Variants in TRIM37 observed in about 807,000 individuals in gnomAD.
TRIM37 encodes the protein tripartite motif containing 37, also known as E3 ubiquitin-protein ligase TRIM37.
A neutral mutation model predicts 129.8 loss-of-function variants in TRIM37; 80 were observed. That is an observed-to-expected ratio of 0.62 (90% CI 0.51 to 0.74). The LOEUF is 0.74. Ranked by LOEUF, TRIM37 falls within the 30% of genes least tolerant of loss-of-function variation. TRIM37 has a pLI of 0.00. For synonymous variants in TRIM37, 389 were observed against 387.1 expected (o/e 1.00, Z -0.06); for missense variants, 1,054 against 1,176.5 (o/e 0.90, Z 1.52).
At chr17:59,091,575 A>ATG (rs1568231068) in intron 2 of TRIM37, among the ~76,000 whole-genome samples, 1 of 33,660 alleles carries the variant, frequency 3.0e-5, no homozygotes, top group Non-Finnish European at 5.8e-5. Flanking sequence ...TATAATATAT[A>ATG]TAATGTATAA....
rs765472921 is a variant in TRIM37, at chr17:59,061,058, G to C, written c.993C>G (p.Leu331=). The C allele has an allele frequency of 2.5e-6, 4 of 1,613,608 alleles. No individual in the cohort carries two copies. The highest frequency in any genetic ancestry group is 2.2e-5 in the East Asian group (1 of 44,788). The change falls in exon 12 of 24, where the codon CTC becomes CTG. Residue 331 remains leucine (L), a synonymous_variant. Transcript: ENST00000262294. ...TAGAAGTTTCAGGCAAGCCAGCTGA[G>C]AGCTCCAGAAACACAGATAAGTAGT... The part of the protein sequence containing the change: ...RGYYLSVFLE[L]SAGLPETSKY...
chr17:58,980,230 G>A, downstream of TRIM37: 1 of 1,614,166 alleles, frequency 6.2e-7, no homozygotes, highest in African/African-American at 1.3e-5. This position sits in a 1 kb window ranked among gnomAD's most constrained non-coding sequence, Gnocchi z 4.7. Context: ...TATTCCTGAG[G>A]GACATGAACA....
chr17:59,007,231 C>CCACACACACACA (rs35675752), intron 22 of TRIM37, among the ~76,000 whole-genome samples: 16 of 97,546 alleles, frequency 1.6e-4, no homozygotes, highest in African/African-American at 6.6e-4. Context: ...CCCCACCCAC[C>CCACACACACACA]CACACACACA....
At chr17:58,982,890 TCA>T in exon 25 of TRIM37, 1 of 1,570,468 alleles carries the variant, frequency 6.4e-7, no homozygotes, top group Non-Finnish European at 8.7e-7. Context: ...TGTTAACCCA[TCA>T]GGTGCAGTGT....
In TRIM37 at chr17:59,012,360, A is replaced by C; in HGVS notation, c.2663T>G (p.Leu888Arg). 1 of 1,613,132 alleles carries C rather than the reference A, an allele frequency of 6.2e-7. No homozygotes were observed. The highest frequency in any genetic ancestry group is 8.5e-7 in the Non-Finnish European group (1 of 1,179,636). ...AGGGGCAGCTGAAGCTCCTTCAGGT[A>C]GTACAGGCTGTAACTCTCCAGTTTC... ...NSETGELQPV[L>R]PEGASAAPEE... is the part of the protein sequence containing the mutation. Residue 888 changes from leucine to arginine, a missense_variant, in exon 22 of 24, where the codon CTA (leucine) becomes CGA (arginine). Coordinates refer to ENST00000262294, the MANE Select transcript of TRIM37 (RefSeq NM_015294.6).
chr17:59,093,903 T>C (rs983744841), intron 2 of TRIM37, among the ~76,000 whole-genome samples: 2 of 152,190 alleles, frequency 1.3e-5, no homozygotes, highest in Admixed American at 6.5e-5. Context: ...AATTTATTTA[T>C]TTATTTTTTG....
chr17:59,055,103 G>A (rs1021952321), intron 13 of TRIM37, among the ~76,000 whole-genome samples: 23 of 151,924 alleles, frequency 1.5e-4, no homozygotes, highest in Middle Eastern at 3.4e-3. Context: ...ATGGGAGGCC[G>A]AAGTGGGTGG....
At chr17:59,038,352 A>G (rs1166061681) in intron 17 of TRIM37, among the ~76,000 whole-genome samples, 1 of 152,190 alleles carries the variant, frequency 6.6e-6, no homozygotes, top group Admixed American at 6.5e-5. Context: ...TTAGTGTTGT[A>G]TGTTCCAGGT....
At chr17:59,056,714 T>A (rs1489693243) in intron 13 of TRIM37, among the ~76,000 whole-genome samples, 161 bp downstream of exon 13, 1 of 6,696 alleles carries the variant, frequency 1.5e-4, no homozygotes, top group Non-Finnish European at 6.2e-4. Context: ...AGACTATGTC[T>A]CCAAAAAAAA....
intron 18 of TRIM37, among the ~76,000 whole-genome samples, chr17:59,029,374 T>C (rs976068620): frequency 1.3e-5 from 2 of 152,186 alleles, no homozygotes; most frequent in African/African-American, 4.8e-5. Context: ...ACAATAGCTC[T>C]CCATGCCTAG....
rs886053176 is a variant in TRIM37, at chr17:59,015,699, C to A, written c.2487G>T (p.Gln829His). ...CAGCATCTGAATCCAAAGCTTTACA[C>A]TGCCGGTCTTCAGTTTTTGGCAGAA... ...GDILPKTEDR[Q>H]CKALDSDAVV... Residue 829 changes from glutamine (Q) to histidine (H), a missense_variant, in exon 21 of 24, where the codon CAG (glutamine) becomes CAT (histidine). By Grantham distance (24) the Gln-to-His change is conservative (BLOSUM62 0). Around this residue, in one of 3 missense-constraint regions of TRIM37, gnomAD observed 287 missense variants for 274.3 expected, o/e 1.05. Coordinates refer to ENST00000262294, the MANE Select transcript of TRIM37 (RefSeq NM_015294.6). 1 of 1,614,186 alleles carries A rather than the reference C, an allele frequency of 6.2e-7. No individual in the cohort carries two copies. Among genetic ancestry groups the A allele is most frequent in the Non-Finnish European group, 8.5e-7 (1 of 1,180,044 alleles).
intron 9 of TRIM37, among the ~76,000 whole-genome samples, chr17:59,069,190 T>C (rs1261276488): frequency 5.9e-5 from 9 of 151,754 alleles, no homozygotes; most frequent in Non-Finnish European, 7.4e-5. Flanking sequence ...CTACTAAAAA[T>C]ACAAAACTTA....
the TRIM37 span, chr17:58,972,071 C>G: frequency 6.7e-7 from 1 of 1,502,310 alleles, no homozygotes. Flanking sequence ...AATTGCTTCT[C>G]AATAAGAATG....
intron 2 of TRIM37, among the ~76,000 whole-genome samples, chr17:59,096,563 CA>C (rs71145522): frequency 0.21 from 23,186 of 112,128 alleles, 2,150 homozygotes; most frequent in Non-Finnish European, 0.24. Context: ...AAAAAAAAAA[CA>C]AAAAAAAAAA....
chr17:58,979,322 TG>T (rs554229051), downstream of TRIM37, among the ~76,000 whole-genome samples: 19 of 152,148 alleles, frequency 1.2e-4, no homozygotes, highest in East Asian at 3.5e-3. Context: ...GAAAGCCAAG[TG>T]GGTTGGGAAT....
chr17:59,043,939 T>C (rs1373084452), intron 16 of TRIM37, among the ~76,000 whole-genome samples: 1 of 152,136 alleles, frequency 6.6e-6, no homozygotes, highest in Non-Finnish European at 1.5e-5. Flanking sequence ...ATCAACGAAA[T>C]ATAGTTGGCC....
At chr17:59,103,892 T>C (rs2045760025) in intron 2 of TRIM37, among the ~76,000 whole-genome samples, 1 of 151,710 alleles carries the variant, frequency 6.6e-6, no homozygotes, top group Admixed American at 6.6e-5. Flanking sequence ...GTGATCCACC[T>C]ACCTCGGCCT....
At chr17:59,013,809 T>C (rs548066405) in intron 21 of TRIM37, among the ~76,000 whole-genome samples, 51 of 152,138 alleles carry the variant, frequency 3.4e-4, no homozygotes, top group Non-Finnish European at 7.1e-4. Context: ...ATTACAGGTG[T>C]GTGCCACTGT....
chr17:58,977,281 A>G, the TRIM37 span, among the ~76,000 whole-genome samples: 1 of 152,006 alleles, frequency 6.6e-6, no homozygotes, highest in Admixed American at 6.6e-5. Flanking sequence ...TGTCTCTACT[A>G]AAAACACAAA....
Sources: allele counts gnomAD v4.1 joint callset (sites outside exome capture counted in the v4.1 genomes callset), GRCh38; gene constraint gnomAD v4.1.1; regional missense constraint gnomAD v4.1.1; non-coding constraint Gnocchi (gnomAD v3.1); transcripts MANE v1.5; gene names NCBI Gene and HGNC (gene_info 2026-07-23, HGNC 2026-07-21).